Variants in ATP11C observed in about 807,000 individuals in gnomAD.
ATP11C encodes phospholipid-transporting ATPase IG.
A neutral mutation model predicts 97.4 loss-of-function variants in ATP11C; 36 were observed. The ratio of observed to expected loss-of-function variants is 0.37; its 90% CI spans 0.28 to 0.49. ATP11C has a LOEUF of 0.49. Among genes scored for constraint, ATP11C ranks in the 20% least tolerant of loss-of-function variants. The pLI, the probability that ATP11C is intolerant of heterozygous loss-of-function variation, is 0.98. For missense variants in ATP11C, 730 were observed against 824.6 expected (o/e 0.89, Z 1.40); for synonymous variants, 275 against 290.9 (o/e 0.95, Z 0.56).
At chrX:139,866,680 C>T (rs2084293169) in intron 1 of ATP11C, among the ~76,000 whole-genome samples, 1 of 109,082 alleles carries the variant, frequency 9.2e-6, no homozygotes, top group Non-Finnish European at 1.9e-5. Context: ...GACTGTGCCA[C>T]CACACTCTAG....
At chrX:139,918,619 C>T (rs1424539093) in intron 1 of ATP11C, among the ~76,000 whole-genome samples, 6 of 95,049 alleles carry the variant, frequency 6.3e-5, no homozygotes, top group Non-Finnish European at 1.2e-4. Flanking sequence ...GCCTGGGTGA[C>T]AAAGCGAAAC....
chrX:139,823,512 T>C (rs902423566), intron 2 of ATP11C, among the ~76,000 whole-genome samples: 1 of 112,409 alleles, frequency 8.9e-6, no homozygotes, highest in Non-Finnish European at 1.9e-5. Flanking sequence ...TGACCAGTTC[T>C]GTGTTACCCA....
intron 1 of ATP11C, among the ~76,000 whole-genome samples, chrX:139,912,174 C>CAAAA (rs1162620391): frequency 4.1e-5 from 1 of 24,499 alleles, no homozygotes; most frequent in African/African-American, 1.2e-4. Context: ...GACTCTGTCT[C>CAAAA]AAAAAAAAAA....
At chrX:139,900,022 T>G (rs2084871247) in intron 1 of ATP11C, among the ~76,000 whole-genome samples, 1 of 110,618 alleles carries the variant, frequency 9.0e-6, no homozygotes, top group African/African-American at 3.4e-5. Flanking sequence ...AATAACAACT[T>G]GATTGTGTAG....
chrX:139,931,991 G>T, intron 1 of ATP11C, 25 bp downstream of exon 1: 1 of 1,157,105 alleles, frequency 8.6e-7, no homozygotes, highest in Non-Finnish European at 1.2e-6. Context: ...ACCGGCACGC[G>T]CGGAGCCGCA....
rs1356485391 is a variant in ATP11C, at chrX:139,798,366, C to A, written c.776-12G>T. 1.7e-6 allele frequency: 2 copies of A among 1,150,629 alleles called. No homozygotes were observed. The highest frequency in any genetic ancestry group is 2.4e-6 in the Non-Finnish European group (2 of 847,978). 94.8% of individuals were successfully genotyped at this position (1,150,629 alleles called of 1,213,427 possible). Reference sequence around the variant, plus strand: ...GTAAACAGCAACTCCTAAGAAATTACAGAATATAATAAAAACTAAGAACTT... The same window carrying A: ...GTAAACAGCAACTCCTAAGAAATTAAAGAATATAATAAAAACTAAGAACTT... On this transcript the variant is annotated splice_polypyrimidine_tract_variant and intron_variant, in intron 9 of 29. Coordinates refer to ENST00000682941, the MANE Select transcript of ATP11C (RefSeq NM_001353812.2).
chrX:139,763,817 T>G (rs1407710836), intron 20 of ATP11C, among the ~76,000 whole-genome samples: 1 of 112,201 alleles, frequency 8.9e-6, no homozygotes. Context: ...GAGGGCCAAC[T>G]GTAATATGTA....
chrX:139,822,851 C>T (rs911416824), intron 2 of ATP11C, among the ~76,000 whole-genome samples: 10 of 109,300 alleles, frequency 9.1e-5, no homozygotes, highest in African/African-American at 3.3e-4. Flanking sequence ...TTTATACTAT[C>T]TTTAAGTACA....
rs1392753851 is a variant in ATP11C at position 139,932,927 on chromosome X, G to T, written c.-885C>A. ...TCTGCACCGACGAGGGTTCCCCCTC[G>T]ACCCTCGCGCCGCTGTACTCCCACC... is the stretch of plus-strand genomic sequence containing the variant. On this transcript the variant is annotated 5_prime_UTR_variant, in exon 1 of 30. Coordinates refer to ENST00000682941, the MANE Select transcript of ATP11C (RefSeq NM_001353812.2). The T allele has an allele frequency of 8.9e-6, 1 of 112,049 alleles. No individual in the cohort carries two copies. Among genetic ancestry groups the T allele is most frequent in the East Asian group, 2.9e-4 (1 of 3,465 alleles). 9.2% of individuals were successfully genotyped at this position (112,049 alleles called of 1,213,427 possible).
chrX:139,786,679 C>G (rs949977335), intron 15 of ATP11C, among the ~76,000 whole-genome samples: 3 of 112,449 alleles, frequency 2.7e-5, no homozygotes, highest in Non-Finnish European at 5.6e-5. Context: ...TCATTAGGGT[C>G]TTTGTGGCAA....
At chrX:139,790,363 C>A (rs888273073) in intron 12 of ATP11C, among the ~76,000 whole-genome samples, 2 of 111,071 alleles carry the variant, frequency 1.8e-5, no homozygotes, top group African/African-American at 6.6e-5. Context: ...GCCACCATGC[C>A]CAGCCAGTTA....
At chrX:139,784,818 G>A (rs1200063734) in intron 16 of ATP11C, among the ~76,000 whole-genome samples, 5 of 111,252 alleles carry the variant, frequency 4.5e-5, no homozygotes, top group Admixed American at 3.8e-4. Flanking sequence ...GTCAGTGAGG[G>A]ATAACAAGCA....
At chrX:139,764,840 T>C (rs1253216263) in intron 20 of ATP11C, among the ~76,000 whole-genome samples, 2 of 111,925 alleles carry the variant, frequency 1.8e-5, no homozygotes, top group East Asian at 5.6e-4. Context: ...TTGGTTCTTC[T>C]TAAAAACTTT....
intron 1 of ATP11C, among the ~76,000 whole-genome samples, chrX:139,870,811 C>T (rs1434266174): frequency 9.0e-6 from 1 of 111,495 alleles, no homozygotes; most frequent in Non-Finnish European, 1.9e-5. Context: ...AATCCCAGCA[C>T]TTTGGGAGGC....
intron 7 of ATP11C, among the ~76,000 whole-genome samples, chrX:139,801,809 T>C (rs2082932916): frequency 8.9e-6 from 1 of 111,914 alleles, no homozygotes; most frequent in South Asian, 3.7e-4. Flanking sequence ...TTGCAATCTT[T>C]AGTGCATCAT....
chrX:139,806,089 AAG>A (rs752877577), intron 5 of ATP11C, among the ~76,000 whole-genome samples: 3 of 111,646 alleles, frequency 2.7e-5, no homozygotes, highest in South Asian at 3.8e-4. Flanking sequence ...AAAACACACA[AAG>A]AGAGCATTTT....
At chrX:139,832,699 A>G (rs911343356) in intron 1 of ATP11C, among the ~76,000 whole-genome samples, 1 of 112,246 alleles carries the variant, frequency 8.9e-6, no homozygotes, top group African/African-American at 3.2e-5. Context: ...ATTCACTATG[A>G]TACAGTTTCT....
At chrX:139,908,893 T>G (rs1257912239) in intron 1 of ATP11C, among the ~76,000 whole-genome samples, 1 of 112,108 alleles carries the variant, frequency 8.9e-6, no homozygotes, top group Non-Finnish European at 1.9e-5. Flanking sequence ...GGGATATAAT[T>G]TAAAATAAAT....
rs1400875692 is a variant in ATP11C at position 139,875,491 on chromosome X, G to A, written c.28-48668C>T. On this transcript the variant is annotated intron_variant, in intron 1 of 29. Transcript: ENST00000682941. ...CACACACCTGTAGTCTTAGCTACTC[G>A]GAGGCTGAGGTGGAAAGATCCCTTG... is the stretch of plus-strand genomic sequence containing the variant. Among the ~76,000 whole-genome samples the A allele has an allele frequency of 2.7e-5, 3 of 109,618 alleles. No homozygotes were observed. The Admixed American group carries it at 2.9e-4, about 11-fold the overall frequency.
Sources: allele counts gnomAD v4.1 joint callset (sites outside exome capture counted in the v4.1 genomes callset), GRCh38; gene constraint gnomAD v4.1.1; transcripts MANE v1.5; gene names NCBI Gene and HGNC (gene_info 2026-07-23, HGNC 2026-07-21).